Variants in GREB1L observed in about 807,000 individuals in gnomAD.
The protein encoded by GREB1L is GREB1 like retinoic acid receptor coactivator.
In GREB1L, 17 loss-of-function variants were observed where a neutral mutation model predicts 200.8. That is an observed-to-expected ratio of 0.08 (90% confidence interval 0.06 to 0.13). The LOEUF (loss-of-function observed/expected upper bound fraction) is 0.13, where lower values mean the gene tolerates loss of function less well. GREB1L is among the 10% of genes least tolerant of loss of function. GREB1L has a pLI of 1.00. For synonymous variants in GREB1L, 789 were observed against 893.0 expected (o/e 0.88, Z 2.08); for missense variants, 1,657 against 2,367.7 (o/e 0.70, Z 6.23).
chr18:21,375,642 G>T (rs2040042233), intron 2 of GREB1L, among the ~76,000 whole-genome samples: 1 of 152,158 alleles, frequency 6.6e-6, no homozygotes, highest in Admixed American at 6.5e-5. Flanking sequence ...AATGGTCTGA[G>T]TGATAAAGAT....
chr18:21,374,485 A>G (rs371330865), intron 2 of GREB1L, among the ~76,000 whole-genome samples: 1 of 152,194 alleles, frequency 6.6e-6, no homozygotes, highest in Admixed American at 6.5e-5. Context: ...ATTGAATGGT[A>G]TTGCTTCTCA....
At chr18:21,494,508 A>G (rs1038859218) in intron 19 of GREB1L, among the ~76,000 whole-genome samples, 3 of 152,116 alleles carry the variant, frequency 2.0e-5, no homozygotes, top group African/African-American at 7.2e-5. Context: ...TGCTTAGCAA[A>G]GGAAGTACCA....
At chr18:21,263,931 A>G (rs537207822) in intron 1 of GREB1L, among the ~76,000 whole-genome samples, 1 of 152,090 alleles carries the variant, frequency 6.6e-6, no homozygotes, top group Non-Finnish European at 1.5e-5. Context: ...AATCATTTTC[A>G]CTTCTGAAGT....
intron 4 of GREB1L, among the ~76,000 whole-genome samples, chr18:21,389,672 A>G (rs1200835318): frequency 3.9e-5 from 6 of 152,120 alleles, no homozygotes; most frequent in African/African-American, 1.4e-4. Context: ...TAGCCCAGAA[A>G]CAAAATTGTA....
chr18:21,409,968 AC>A (rs1188342173), intron 7 of GREB1L, among the ~76,000 whole-genome samples: 1 of 152,080 alleles, frequency 6.6e-6, no homozygotes, highest in Admixed American at 6.6e-5. Context: ...TCTCTGTATC[AC>A]CTAGTACCAG....
At chr18:21,278,903 T>A (rs1004987446) in intron 1 of GREB1L, among the ~76,000 whole-genome samples, 1 of 152,334 alleles carries the variant, frequency 6.6e-6, no homozygotes, top group Non-Finnish European at 1.5e-5. Context: ...AATAGTCTAA[T>A]AGTTACATTA....
At chr18:21,370,304 A>G (rs1322443037) in intron 2 of GREB1L, among the ~76,000 whole-genome samples, 1 of 152,232 alleles carries the variant, frequency 6.6e-6, no homozygotes, top group Non-Finnish European at 1.5e-5. Flanking sequence ...AGTTAGACAG[A>G]TACTAGACCC....
At position 21,500,211 on chromosome 18, in the gene GREB1L, C is replaced by T. The variant is rs1037553509; in HGVS notation, c.3874C>T (p.Arg1292Trp). The T allele has an allele frequency of 1.9e-6, 3 of 1,543,950 alleles. No individual in the cohort carries two copies. The highest frequency in any genetic ancestry group is 2.0e-5 in the Admixed American group (1 of 50,976). The part of the protein sequence containing the change: ...SLYYRQWTLA[R>W]QHHADYSNQL... ...CTACTACAGGCAGTGGACCTTGGCC[C>T]GGCAGCACCACGCTGACTATAGCAA... Residue 1292 changes from arginine to tryptophan, a missense_variant, in exon 22 of 33, where the codon CGG (arginine) becomes TGG (tryptophan). Around this residue, in one of 9 missense-constraint regions of GREB1L, gnomAD observed 512 missense variants for 668.3 expected, o/e 0.77. Transcript: ENST00000424526.
chr18:21,341,523 C>T (rs2039269734), intron 1 of GREB1L, among the ~76,000 whole-genome samples: 1 of 152,150 alleles, frequency 6.6e-6, no homozygotes, highest in African/African-American at 2.4e-5. Context: ...CGGCATACAC[C>T]ACCACACACA....
chr18:21,303,837 C>T (rs2038657308), intron 1 of GREB1L, among the ~76,000 whole-genome samples: 1 of 152,012 alleles, frequency 6.6e-6, no homozygotes, highest in African/African-American at 2.4e-5. Flanking sequence ...CTTGAGAGTT[C>T]GTCTTATGAG....
At chr18:21,245,328 G>C (rs1034144713) in intron 1 of GREB1L, among the ~76,000 whole-genome samples, 2 of 152,116 alleles carry the variant, frequency 1.3e-5, no homozygotes, top group African/African-American at 4.8e-5. Flanking sequence ...ATTCGCTGTA[G>C]GAATTGTTTG....
intron 7 of GREB1L, among the ~76,000 whole-genome samples, chr18:21,425,202 C>T (rs1364983988): frequency 6.6e-6 from 1 of 152,124 alleles, no homozygotes; most frequent in Non-Finnish European, 1.5e-5. Flanking sequence ...TTCTCCCATT[C>T]TGTGGGTTGT....
intron 20 of GREB1L, among the ~76,000 whole-genome samples, chr18:21,496,209 A>C (rs570101824): frequency 2.6e-5 from 4 of 152,292 alleles, no homozygotes; most frequent in African/African-American, 9.6e-5. Flanking sequence ...ACATGTATTC[A>C]GTCCTTAAAA....
intron 18 of GREB1L, among the ~76,000 whole-genome samples, chr18:21,487,066 A>G (rs1446867052): frequency 6.6e-6 from 1 of 152,236 alleles, no homozygotes; most frequent in Non-Finnish European, 1.5e-5. Flanking sequence ...GTCTTAACTG[A>G]CACTGTGACA....
chr18:21,454,601 C>T, intron 15 of GREB1L, 38 bp downstream of exon 15: 2 of 1,440,634 alleles, frequency 1.4e-6, no homozygotes, highest in Non-Finnish European at 1.9e-6. Flanking sequence ...CACCTAGATC[C>T]AGCTTCAGAT....
intron 2 of GREB1L, among the ~76,000 whole-genome samples, chr18:21,373,611 G>A (rs941964366): frequency 4.6e-5 from 7 of 152,198 alleles, no homozygotes; most frequent in African/African-American, 1.7e-4. Flanking sequence ...TGGGATTCCA[G>A]GCCGTGAGCC....
chr18:21,357,300 C>T (rs1173332885), intron 1 of GREB1L, among the ~76,000 whole-genome samples: 4 of 152,248 alleles, frequency 2.6e-5, no homozygotes, highest in Non-Finnish European at 5.9e-5. Context: ...GATCCGCCCG[C>T]CTCAGCCTCC....
intron 1 of GREB1L, among the ~76,000 whole-genome samples, chr18:21,304,081 T>C (rs766877189): frequency 2.6e-5 from 4 of 152,210 alleles, no homozygotes; most frequent in Non-Finnish European, 4.4e-5. Flanking sequence ...GATAAACCTT[T>C]CCTGCAATTG....
intron 7 of GREB1L, among the ~76,000 whole-genome samples, chr18:21,407,785 T>TA (rs932047660): frequency 1.3e-5 from 2 of 152,106 alleles, no homozygotes. Context: ...TATTTAGTTG[T>TA]AAAAAAATCA....
Sources: gnomAD v4.1 joint callset for allele counts (sites outside exome capture counted in the v4.1 genomes callset) on GRCh38, gnomAD v4.1.1 for gene constraint, gnomAD v4.1.1 regional missense constraint, MANE v1.5 for transcripts, NCBI Gene and HGNC (gene_info 2026-07-23, HGNC 2026-07-21) for gene names.